Variants in PTCSC3 observed in about 807,000 individuals in gnomAD.
PTCSC3 encodes the protein papillary thyroid carcinoma susceptibility candidate 3.
intron 3 of PTCSC3, among the ~76,000 whole-genome samples, chr14:36,141,772 AC>A (rs1316814959): frequency 1.3e-5 from 2 of 152,110 alleles, no homozygotes; most frequent in African/African-American, 4.8e-5. Context: ...TCAGATTTAC[AC>A]CTAGTTATTT....
intron 3 of PTCSC3, among the ~76,000 whole-genome samples, chr14:36,138,959 A>G (rs542124805): frequency 1.3e-5 from 2 of 151,872 alleles, no homozygotes; most frequent in South Asian, 2.1e-4. Context: ...CTAAAAATAC[A>G]AAAAATTAGC....
intron 1 of PTCSC3, among the ~76,000 whole-genome samples, chr14:36,174,484 T>C (rs1882247224): frequency 6.6e-6 from 1 of 152,202 alleles, no homozygotes; most frequent in African/African-American, 2.4e-5. Flanking sequence ...TTTAATGTGA[T>C]TTTTATTTGT....
chr14:36,142,906 T>A (rs953378129), intron 3 of PTCSC3, among the ~76,000 whole-genome samples: 1 of 150,462 alleles, frequency 6.6e-6, no homozygotes, highest in Non-Finnish European at 1.5e-5. Context: ...GAATATGCGC[T>A]GTCTGGTTTT....
At chr14:36,174,109 A>T (rs1451430557) in intron 1 of PTCSC3, among the ~76,000 whole-genome samples, 1 of 151,840 alleles carries the variant, frequency 6.6e-6, no homozygotes, top group Non-Finnish European at 1.5e-5. Flanking sequence ...TGAAATTCTT[A>T]TATGTGTAAG....
At chr14:36,155,997 C>G (rs1197615952) in intron 2 of PTCSC3, among the ~76,000 whole-genome samples, 1 of 151,960 alleles carries the variant, frequency 6.6e-6, no homozygotes, top group East Asian at 2.0e-4. Flanking sequence ...TTTCCAAAAT[C>G]ATGCTCTGCA....
chr14:36,167,502 G>A lies in PTCSC3; in HGVS notation n.172-4819C>T, dbSNP rs143583326. On this transcript the variant is annotated intron_variant and non_coding_transcript_variant, in intron 1 of 3. Coordinates refer to ENST00000556013, the Ensembl canonical transcript of PTCSC3. ...CAAATGCTCTGAGTAGGTTGGCTTC[G>A]ATAGTCATGTTCAGTCCTGGGTAGA... 1.8e-3 allele frequency among the ~76,000 whole-genome samples: 270 copies of A among 152,226 alleles called. 2 individuals carry two copies. Among genetic ancestry groups the A allele is most frequent in the Middle Eastern group, 6.8e-3 (2 of 294 alleles).
intron 3 of PTCSC3, among the ~76,000 whole-genome samples, chr14:36,147,514 C>G (rs552430276): frequency 1.3e-5 from 2 of 152,306 alleles, no homozygotes; most frequent in African/African-American, 4.8e-5. Context: ...TTGGCTCCAT[C>G]AGCTCCTTTA....
intron 1 of PTCSC3, among the ~76,000 whole-genome samples, chr14:36,172,197 T>A (rs552953146): frequency 5.6e-4 from 85 of 152,276 alleles, no homozygotes; most frequent in African/African-American, 1.9e-3. Context: ...GGGTTGGACA[T>A]GTAAATATAT....
chr14:36,137,040 TGTAA>T (rs1881303848), intron 3 of PTCSC3, among the ~76,000 whole-genome samples: 1 of 149,244 alleles, frequency 6.7e-6, no homozygotes, highest in Non-Finnish European at 1.5e-5. Flanking sequence ...CTTTTTTCTT[TGTAA>T]GTGTTATAGA....
At chr14:36,166,824 G>T (rs532201357) in intron 1 of PTCSC3, among the ~76,000 whole-genome samples, 48 of 152,148 alleles carry the variant, frequency 3.2e-4, no homozygotes, top group Non-Finnish European at 6.3e-4. Flanking sequence ...TTCTATTAAA[G>T]GGTTGAAGCA....
chr14:36,173,303 CATATT>C (rs1882221317), intron 1 of PTCSC3, among the ~76,000 whole-genome samples: 1 of 151,968 alleles, frequency 6.6e-6, no homozygotes, highest in South Asian at 2.1e-4. Context: ...AAACTCTACA[CATATT>C]AGATGAGTCA....
intron 2 of PTCSC3, among the ~76,000 whole-genome samples, chr14:36,160,605 T>A (rs1250416638): frequency 6.6e-6 from 1 of 152,072 alleles, no homozygotes; most frequent in Non-Finnish European, 1.5e-5. Flanking sequence ...TTTAGTCTGA[T>A]GGGCTTCCCT....
chr14:36,149,158 G>T (rs1043915656), intron 3 of PTCSC3, among the ~76,000 whole-genome samples: 1 of 151,866 alleles, frequency 6.6e-6, no homozygotes, highest in African/African-American at 2.4e-5. Flanking sequence ...TCTAGACATT[G>T]TTCTTGCTGC....
At chr14:36,163,478 G>A (rs1192949561) in intron 1 of PTCSC3, among the ~76,000 whole-genome samples, 1 of 151,810 alleles carries the variant, frequency 6.6e-6, no homozygotes, top group African/African-American at 2.4e-5. Flanking sequence ...AAGGAGAGAG[G>A]GAGGGAGGAA....
downstream of PTCSC3, among the ~76,000 whole-genome samples, chr14:36,135,032 G>A (rs1881254680): frequency 6.6e-6 from 1 of 152,176 alleles, no homozygotes. Flanking sequence ...TGAAGAAGAA[G>A]TACAGTCCAT....
intron 3 of PTCSC3, among the ~76,000 whole-genome samples, chr14:36,149,583 A>G (rs780771211): frequency 2.0e-5 from 3 of 152,232 alleles, no homozygotes; most frequent in Non-Finnish European, 4.4e-5. Flanking sequence ...ATCTCCAACT[A>G]TAATTGTGGA....
chr14:36,148,481 T>C (rs1411595028), intron 3 of PTCSC3, among the ~76,000 whole-genome samples: 1 of 152,208 alleles, frequency 6.6e-6, no homozygotes, highest in Non-Finnish European at 1.5e-5. Context: ...CCCTGACCCC[T>C]TGGGCTTCCC....
At chr14:36,159,341 G>C (rs1881902079) in intron 2 of PTCSC3, among the ~76,000 whole-genome samples, 2 of 151,768 alleles carry the variant, frequency 1.3e-5, no homozygotes, top group African/African-American at 4.8e-5. Context: ...GTGATGTTAG[G>C]GTGTTGATTT....
intron 1 of PTCSC3, among the ~76,000 whole-genome samples, chr14:36,173,657 G>A (rs1882228824): frequency 6.6e-6 from 1 of 151,216 alleles, no homozygotes; most frequent in Non-Finnish European, 1.5e-5. Context: ...GTCTAAAACT[G>A]TTCATGTTTC....
Sources: gnomAD v4.1 joint callset for allele counts (sites outside exome capture counted in the v4.1 genomes callset) on GRCh38, gnomAD v4.1.1 for gene constraint, MANE v1.5 for transcripts, NCBI Gene and HGNC (gene_info 2026-07-23, HGNC 2026-07-21) for gene names.